DOCK2: variants seen among roughly 807,000 people sequenced by gnomAD.
DOCK2 encodes dedicator of cytokinesis 2, also known as dedicator of cytokinesis protein 2.
A neutral mutation model predicts 248.9 loss-of-function variants in DOCK2; 87 were observed. The ratio of observed to expected loss-of-function variants is 0.35; its 90% CI spans 0.29 to 0.42. The LOEUF (loss-of-function observed/expected upper bound fraction) is 0.42, where lower values mean the gene tolerates loss of function less well. Among genes scored for constraint, DOCK2 ranks in the 10% least tolerant of loss-of-function variants. The pLI, the probability that DOCK2 is intolerant of heterozygous loss-of-function variation, is 1.00. For synonymous variants in DOCK2, 805 were observed against 821.6 expected (o/e 0.98, Z 0.35); for missense variants, 1,747 against 2,300.2 (o/e 0.76, Z 4.92).
intron 26 of DOCK2, among the ~76,000 whole-genome samples, chr5:169,815,102 G>C (rs549763096): frequency 6.6e-6 from 1 of 152,180 alleles, no homozygotes; most frequent in Non-Finnish European, 1.5e-5. Context: ...AGTATTTCAC[G>C]TGGGCTATTT....
rs367705041 is a variant in DOCK2, at chr5:169,713,111, C to G, written c.1659+888C>G. Among the ~76,000 whole-genome samples the G allele has an allele frequency of 6.6e-5, 10 of 152,366 alleles. 1 individual carries two copies. The South Asian group carries it at 2.1e-3, about 32-fold the overall frequency. On this transcript the variant is annotated intron_variant, in intron 17 of 51. Coordinates refer to ENST00000520908, the MANE Select transcript of DOCK2 (RefSeq NM_004946.3). ...TGTACTCTTCTCTGAGTCTCTCTGA[C>G]TTTTCCAGAAAACCCCCTTTCTTCT...
intron 22 of DOCK2, among the ~76,000 whole-genome samples, chr5:169,737,257 C>G (rs1763086342): frequency 6.6e-6 from 1 of 152,004 alleles, no homozygotes; most frequent in Admixed American, 6.6e-5. Context: ...GAGTTTGACC[C>G]AAAGGAACTG....
intron 1 of DOCK2, among the ~76,000 whole-genome samples, chr5:169,641,463 G>A (rs1757148118): frequency 1.3e-5 from 2 of 152,234 alleles, no homozygotes; most frequent in Admixed American, 6.5e-5. Context: ...TGGGCAATGT[G>A]TGCTGGTGTC....
At chr5:169,996,684 C>A (rs995940342) in intron 30 of DOCK2, among the ~76,000 whole-genome samples, 24 of 152,164 alleles carry the variant, frequency 1.6e-4, no homozygotes, top group African/African-American at 4.6e-4. Flanking sequence ...CAGGTCCAGG[C>A]CCAAGAAGCA....
chr5:169,724,958 C>CA (rs1762398405), intron 22 of DOCK2, among the ~76,000 whole-genome samples: 1 of 152,068 alleles, frequency 6.6e-6, no homozygotes, highest in African/African-American at 2.4e-5. Flanking sequence ...GGAGGGAGCA[C>CA]ATAAGCCTCT....
chr5:170,013,410 A>C (rs762555689), intron 32 of DOCK2, among the ~76,000 whole-genome samples: 32 of 152,102 alleles, frequency 2.1e-4, no homozygotes, highest in Non-Finnish European at 3.2e-4. Context: ...AAGATCTTGA[A>C]GATGGGGAGT....
chr5:170,049,829 A>T (rs1256234579), intron 40 of DOCK2, among the ~76,000 whole-genome samples: 1 of 152,210 alleles, frequency 6.6e-6, no homozygotes, highest in Non-Finnish European at 1.5e-5. Context: ...GTGTTTTCAC[A>T]GGCTTAGAGC....
chr5:169,678,314 C>T (rs1581019445), intron 6 of DOCK2, among the ~76,000 whole-genome samples: 2 of 151,372 alleles, frequency 1.3e-5, no homozygotes, highest in African/African-American at 2.4e-5. Context: ...CTCGATCTGT[C>T]ACCCAGGCTA....
chr5:169,805,235 GAAAGA>G (rs1231373006), intron 26 of DOCK2, among the ~76,000 whole-genome samples: 249 of 150,208 alleles, frequency 1.7e-3, no homozygotes, highest in African/African-American at 5.8e-3. Context: ...AAAAAAAAAG[GAAAGA>G]AAAGAAAAGA....
intron 36 of DOCK2, among the ~76,000 whole-genome samples, chr5:170,037,134 A>G (rs924041668): frequency 6.6e-6 from 1 of 151,974 alleles, no homozygotes; most frequent in African/African-American, 2.4e-5. Flanking sequence ...AAAAATATAT[A>G]CTTATTACAA....
chr5:170,038,542 G>A (rs1169606217), intron 36 of DOCK2, among the ~76,000 whole-genome samples: 1 of 152,162 alleles, frequency 6.6e-6, no homozygotes, highest in Non-Finnish European at 1.5e-5. Flanking sequence ...ACAACACTGG[G>A]CCCTCGTCCT....
At chr5:169,747,292 C>A in intron 22 of DOCK2, 104 bp from the exon 23 acceptor site, 1 of 984,082 alleles carries the variant, frequency 1.0e-6, no homozygotes, top group Non-Finnish European at 1.5e-6. Context: ...CCCCACCTCC[C>A]ACTCCTTTTT....
At chr5:169,967,404 G>C (rs1777342536) in intron 27 of DOCK2, among the ~76,000 whole-genome samples, 1 of 152,248 alleles carries the variant, frequency 6.6e-6, no homozygotes, top group South Asian at 2.1e-4. Flanking sequence ...CATGTGGTCA[G>C]GCTGTCAGAG....
chr5:169,699,977 A>G (rs964473960), intron 12 of DOCK2, 37 bp from the exon 13 acceptor site: 3 of 1,611,402 alleles, frequency 1.9e-6, no homozygotes, highest in Non-Finnish European at 8.5e-7. Flanking sequence ...GGTCACTTGC[A>G]AAAGTGGGCT....
intron 1 of DOCK2, among the ~76,000 whole-genome samples, chr5:169,645,674 T>G (rs1757421463): frequency 6.6e-6 from 1 of 152,214 alleles, no homozygotes; most frequent in South Asian, 2.1e-4. Flanking sequence ...TTTTGGTGTT[T>G]TTGTCATGAA....
chr5:169,981,486 G>A (rs1443015991), intron 27 of DOCK2, among the ~76,000 whole-genome samples: 1 of 152,192 alleles, frequency 6.6e-6, no homozygotes, highest in Non-Finnish European at 1.5e-5. Context: ...ATCACAATTC[G>A]GAAATCCAAG....
intron 22 of DOCK2, among the ~76,000 whole-genome samples, chr5:169,731,962 C>T (rs1012201049): frequency 1.3e-5 from 2 of 151,918 alleles, no homozygotes; most frequent in African/African-American, 4.8e-5. Flanking sequence ...TCTACTAAAA[C>T]TACAAAAATT....
At chr5:169,833,497 G>A (rs1769364203) in intron 26 of DOCK2, among the ~76,000 whole-genome samples, 1 of 152,282 alleles carries the variant, frequency 6.6e-6, no homozygotes, top group South Asian at 2.1e-4. Flanking sequence ...CAAAGTTTCC[G>A]GAAATGGTAG....
intron 46 of DOCK2, among the ~76,000 whole-genome samples, chr5:170,073,704 G>C (rs1037564195): frequency 2.0e-5 from 3 of 151,908 alleles, no homozygotes; most frequent in African/African-American, 7.3e-5. Flanking sequence ...ATTGTAAATG[G>C]TATTGTTTTT....
Sources: gnomAD v4.1 joint callset for allele counts (sites outside exome capture counted in the v4.1 genomes callset) on GRCh38, gnomAD v4.1.1 for gene constraint, MANE v1.5 for transcripts, NCBI Gene and HGNC (gene_info 2026-07-23, HGNC 2026-07-21) for gene names.